MEMO1: variants seen among roughly 807,000 people sequenced by gnomAD.
MEMO1 encodes mediator of cell motility 1, also known as protein MEMO1.
A neutral mutation model predicts 45.2 loss-of-function variants in MEMO1; 6 were observed. That is an observed-to-expected ratio of 0.13 (90% confidence interval 0.07 to 0.26). The LOEUF is 0.26. Ranked by LOEUF, MEMO1 falls within the 10% of genes least tolerant of loss-of-function variation. The pLI, the probability that MEMO1 is intolerant of heterozygous loss-of-function variation, is 1.00. For synonymous variants in MEMO1, 78 were observed against 124.3 expected, an observed-to-expected ratio of 0.63 and a Z score of 2.48; for missense variants, 184 against 370.5, an observed-to-expected ratio of 0.50 and a Z score of 4.13.
chr2:31,914,026 T>C (rs1681041851), intron 6 of MEMO1, among the ~76,000 whole-genome samples: 1 of 152,134 alleles, frequency 6.6e-6, no homozygotes, highest in African/African-American at 2.4e-5. Flanking sequence ...CTAGAGAGGA[T>C]TCACCACGTG....
chr2:31,999,105 T>A (rs187462331), intron 2 of MEMO1, among the ~76,000 whole-genome samples: 1 of 152,248 alleles, frequency 6.6e-6, no homozygotes, highest in Non-Finnish European at 1.5e-5. Flanking sequence ...GCAAATCCTC[T>A]CAGCTCTATC....
chr2:31,972,056 ATAC>A (rs1669476758), intron 2 of MEMO1, among the ~76,000 whole-genome samples: 1 of 152,250 alleles, frequency 6.6e-6, no homozygotes, highest in African/African-American at 2.4e-5. Context: ...CAAGCGCCTT[ATAC>A]TACAAGATTC....
intron 3 of MEMO1, among the ~76,000 whole-genome samples, chr2:31,932,420 T>C (rs555288012): frequency 6.6e-6 from 1 of 151,958 alleles, no homozygotes; most frequent in African/African-American, 2.4e-5. Context: ...TGTAACACGA[T>C]TATTGAGGTT....
chr2:31,970,634 C>CA (rs1403884555), intron 2 of MEMO1, among the ~76,000 whole-genome samples: 2,041 of 130,736 alleles, frequency 0.016, 45 homozygotes, highest in African/African-American at 0.052. Flanking sequence ...CAGGATGAAG[C>CA]AAAAAAAAAA....
intron 3 of MEMO1, among the ~76,000 whole-genome samples, chr2:31,942,770 C>T (rs1457103680): frequency 1.3e-5 from 2 of 152,082 alleles, no homozygotes; most frequent in Non-Finnish European, 2.9e-5. Context: ...AATCCTCCCA[C>T]GTTGGCCTCT....
chr2:31,961,684 G>A (rs1333025821), intron 2 of MEMO1, among the ~76,000 whole-genome samples: 15 of 151,874 alleles, frequency 9.9e-5, no homozygotes, highest in African/African-American at 3.6e-4. Flanking sequence ...AAGCTGAGGT[G>A]GGAGGATCAT....
intron 6 of MEMO1, among the ~76,000 whole-genome samples, chr2:31,908,967 A>G (rs1281605992): frequency 6.6e-6 from 1 of 152,248 alleles, no homozygotes; most frequent in African/African-American, 2.4e-5. Context: ...TCACAGAATT[A>G]TAGAATGTGT....
At chr2:31,946,962 A>C (rs1320180037) in intron 2 of MEMO1, among the ~76,000 whole-genome samples, 1 of 152,196 alleles carries the variant, frequency 6.6e-6, no homozygotes, top group Non-Finnish European at 1.5e-5. Flanking sequence ...CATGCTGTAT[A>C]GGTCTGTAGC....
In MEMO1 at chr2:31,892,032, A is replaced by G. The variant is rs1393234187; in HGVS notation, c.540T>C (p.Pro180=). 6.2e-7 allele frequency: 1 copy of G among 1,612,288 alleles called. No homozygotes were observed. Among genetic ancestry groups the G allele is most frequent in the Non-Finnish European group, 8.5e-7 (1 of 1,179,500 alleles). ...CAGAAGAAACCACAAAGAGATTACT[A>G]GGATCCGCTAGATATTTACTGAAGA... ...GKLFSKYLAD[P]SNLFVVSSDF... is the part of the protein sequence containing the mutation. The change falls in exon 7 of 10, where the codon CCT becomes CCC. Residue 180 remains proline, a synonymous_variant. Coordinates refer to ENST00000404530, the MANE Select transcript of MEMO1 (RefSeq NM_001301833.4).
intron 2 of MEMO1, among the ~76,000 whole-genome samples, chr2:31,968,254 G>A (rs1257944265): frequency 6.6e-6 from 1 of 152,196 alleles, no homozygotes; most frequent in African/African-American, 2.4e-5. Context: ...AAGGAATGAT[G>A]AAAATGCTTT....
chr2:32,009,892 T>C (rs1363742921), intron 2 of MEMO1, among the ~76,000 whole-genome samples: 1 of 151,852 alleles, frequency 6.6e-6, no homozygotes, highest in Non-Finnish European at 1.5e-5. Context: ...TCCTCGAGCC[T>C]GGTCCTGAGG....
intron 8 of MEMO1, among the ~76,000 whole-genome samples, chr2:31,875,236 T>C (rs1674389704): frequency 6.6e-6 from 1 of 152,136 alleles, no homozygotes; most frequent in African/African-American, 2.4e-5. Context: ...TTAAATAAAA[T>C]TTTTAAAATT....
At chr2:31,928,707 T>C (rs1558510490) in intron 4 of MEMO1, among the ~76,000 whole-genome samples, 1 of 152,186 alleles carries the variant, frequency 6.6e-6, no homozygotes, top group Non-Finnish European at 1.5e-5. Flanking sequence ...TTTTTTACCA[T>C]AAAAATATAT....
chr2:31,913,800 C>G (rs1049934025), intron 6 of MEMO1, among the ~76,000 whole-genome samples: 33 of 152,266 alleles, frequency 2.2e-4, no homozygotes, highest in African/African-American at 7.7e-4. Flanking sequence ...TATTTAACCA[C>G]AGTTTCTACA....
Position 31,982,640 on chromosome 2 carries a change from TACTTAACTTTGGGAAATG to T in MEMO1, c.61+27529_61+27546del, listed in dbSNP as rs556747563. On this transcript the variant is annotated intron_variant, in intron 2 of 9. Transcript: ENST00000404530. ...ATGAAGTTCAGGAACTTCCCAAAGT[TACTTAACTTTGGGAAATG>T]ATGCTTTGATTAGAAATTGTAACGC... Among the ~76,000 whole-genome samples the T allele has an allele frequency of 7.3e-5, 11 of 150,766 alleles. No individual in the cohort carries two copies. In the South Asian group the frequency reaches 2.3e-3, roughly 32 times the overall value.
intron 3 of MEMO1, among the ~76,000 whole-genome samples, chr2:31,943,098 C>T (rs1342171953): frequency 6.6e-6 from 1 of 152,060 alleles, no homozygotes; most frequent in Non-Finnish European, 1.5e-5. Flanking sequence ...AACTCCGTCT[C>T]TACTAAAAAT....
At chr2:31,987,177 A>T (rs1276588511) in intron 2 of MEMO1, among the ~76,000 whole-genome samples, 1 of 151,958 alleles carries the variant, frequency 6.6e-6, no homozygotes, top group African/African-American at 2.4e-5. Context: ...CTAATTTTTT[A>T]CTTTTTCTAG....
At chr2:31,936,580 G>A (rs558772570) in intron 3 of MEMO1, among the ~76,000 whole-genome samples, 2 of 152,266 alleles carry the variant, frequency 1.3e-5, no homozygotes, top group East Asian at 3.9e-4. Context: ...GCCATTCATT[G>A]CTCATGAACA....
At chr2:31,951,880 T>C (rs143067313) in intron 2 of MEMO1, among the ~76,000 whole-genome samples, 1 of 152,304 alleles carries the variant, frequency 6.6e-6, no homozygotes, top group East Asian at 1.9e-4. Context: ...CTCCAAATCC[T>C]TTCTCTCATT....
Sources: gnomAD v4.1 joint callset for allele counts (sites outside exome capture counted in the v4.1 genomes callset) on GRCh38, gnomAD v4.1.1 for gene constraint, MANE v1.5 for transcripts, NCBI Gene and HGNC (gene_info 2026-07-23, HGNC 2026-07-21) for gene names.